The following BRD1 variants were observed in gnomAD, a reference collection of about 807,000 sequenced individuals.
BRD1 encodes bromodomain containing 1.
In BRD1, 24 loss-of-function variants were observed where a neutral mutation model predicts 107.7. That is an observed-to-expected ratio of 0.22 (90% CI 0.16 to 0.31). The LOEUF is 0.31. BRD1 is among the 10% of genes least tolerant of loss of function. The pLI is 1.00. For synonymous variants in BRD1, 744 were observed against 686.1 expected (o/e 1.08, Z -1.32); for missense variants, 1,279 against 1,638.6 (o/e 0.78, Z 3.79).
chr22:49,787,372 G>T lies in BRD1; in HGVS notation c.2857+18C>A. 6.3e-7 allele frequency: 1 copy of T among 1,594,002 alleles called. No individual in the cohort carries two copies. The highest frequency in any genetic ancestry group is 2.3e-5 in the East Asian group (1 of 43,526). ...CTGGTCGGCAAGGGCGCCTCTCAGG[G>T]CCGCCCGCGGCATTTACCTGCGTCC... On this transcript the variant is annotated intron_variant, in intron 8 of 12. Coordinates refer to ENST00000404760, the MANE Select transcript of BRD1 (RefSeq NM_001304808.3).
Position 49,823,521 on chromosome 22 carries a change from G to A in BRD1, c.797C>T (p.Ala266Val). ...GCACAGCACACAGTCGGCGGGCCGGGCCCGCGACTGCAGGCAGTGGCGGCA... is the reference window on the plus strand; with the variant it reads ...GCACAGCACACAGTCGGCGGGCCGGACCCGCGACTGCAGGCAGTGGCGGCA... ...WLCRHCLQSR[A>V]RPADCVLCPN... Residue 266 changes from alanine (A) to valine (V), a missense_variant, in exon 2 of 13, where the codon GCC becomes GTC. Transcript: ENST00000404760. The A allele has an allele frequency of 6.2e-7, 1 of 1,600,954 alleles. No homozygotes were observed.
At chr22:49,777,207 TCAGCCTCACTCGGGCTTCGTC>T in intron 9 of BRD1, 46 bp from the exon 10 acceptor site, 2 of 1,602,522 alleles carry the variant, frequency 1.2e-6, no homozygotes, top group Admixed American at 1.7e-5. Context: ...GCCCCTGCCT[TCAGCCTCACTCGGGCTTCGTC>T]CCGTGAGCTG....
intron 7 of BRD1, among the ~76,000 whole-genome samples, chr22:49,793,596 T>C (rs976131745): frequency 1.3e-5 from 2 of 152,186 alleles, no homozygotes; most frequent in African/African-American, 4.8e-5. Flanking sequence ...AAAACAGCCC[T>C]TTCAAAATGC....
chr22:49,825,053 C>A (rs2060131896), intron 1 of BRD1, among the ~76,000 whole-genome samples: 1 of 152,142 alleles, frequency 6.6e-6, no homozygotes, highest in Admixed American at 6.5e-5. Context: ...TTCTGCAGAG[C>A]CTTGGCAGTG....
rs372664406 is a variant in BRD1, at chr22:49,804,196, C to A, written c.1524+8G>T. 1.0e-5 allele frequency: 16 copies of A among 1,571,496 alleles called. No homozygotes were observed. Among genetic ancestry groups the A allele is most frequent in the Non-Finnish European group, 1.4e-5 (16 of 1,157,678 alleles). On this transcript the variant is annotated splice_region_variant and intron_variant, in intron 3 of 12. Transcript: ENST00000404760. ...GCAGAAAGGCTGTGGGGGCCACGAG[C>A]CACGTACCTGCTGTGAGCTTCGCTG... is the stretch of plus-strand genomic sequence containing the variant.
Position 49,777,076 on chromosome 22 carries a change from T to C in BRD1, c.3079A>G (p.Ile1027Val), listed in dbSNP as rs756562359. ...LEDRSELISC[I>V]ENGNYAKAAR... The stretch of plus-strand genomic sequence containing the variant: ...GCCTTGGCGTAGTTCCCATTCTCGA[T>C]GCAGGAGATCAGCTCACTGCGGTCC... The change falls in exon 10 of 13, where the codon ATC (isoleucine) becomes GTC (valine). Residue 1027 changes from isoleucine (I) to valine (V), a missense_variant. Ile to Val is a conservative substitution (Grantham distance 29, BLOSUM62 3). Around this residue, in one of 7 missense-constraint regions of BRD1, gnomAD observed 263 missense variants for 251.6 expected, o/e 1.05. Coordinates refer to ENST00000404760, the MANE Select transcript of BRD1 (RefSeq NM_001304808.3). 5.0e-6 allele frequency: 8 copies of C among 1,613,214 alleles called. No homozygotes were observed. Among genetic ancestry groups the C allele is most frequent in the Non-Finnish European group, 6.8e-6 (8 of 1,180,012 alleles).
intron 1 of BRD1, among the ~76,000 whole-genome samples, chr22:49,826,892 C>A (rs962523377): frequency 2.0e-5 from 3 of 152,214 alleles, no homozygotes; most frequent in African/African-American, 7.2e-5. Context: ...CCGTGAACTG[C>A]GCCTCAATCG....
intron 9 of BRD1, 88 bp from the exon 10 acceptor site, chr22:49,777,249 A>G (rs954910705): frequency 1.5e-5 from 23 of 1,570,154 alleles, no homozygotes; most frequent in Non-Finnish European, 1.7e-5. Context: ...TCCGCCACCA[A>G]GCTGGCCACG....
rs574018747 is a variant in BRD1, at chr22:49,776,958, C to G, written c.3121+76G>C. ...GCACCATGCTCCCTGAGCCGGAGTC[C>G]AGTCCCCAGCAGTCGAGCCCTAAGA... On this transcript the variant is annotated intron_variant, in intron 10 of 12. Coordinates refer to ENST00000404760, the MANE Select transcript of BRD1 (RefSeq NM_001304808.3). 1.6e-5 allele frequency: 25 copies of G among 1,583,286 alleles called. No individual in the cohort carries two copies. The African/African-American group carries it at 2.4e-4, about 15-fold the overall frequency.
At chr22:49,776,638 C>T (rs901552489) in intron 10 of BRD1, among the ~76,000 whole-genome samples, 5 of 152,168 alleles carry the variant, frequency 3.3e-5, no homozygotes, top group African/African-American at 7.2e-5. Flanking sequence ...GAGGGCTGTG[C>T]GACCCCAAAC....
intron 11 of BRD1, 91 bp from the exon 12 acceptor site, chr22:49,775,836 C>CCCG (rs1555900557): frequency 2.8e-5 from 36 of 1,271,072 alleles, no homozygotes; most frequent in African/African-American, 1.7e-4. Flanking sequence ...CCTCCCCACC[C>CCCG]CAGCTGTGTG....
chr22:49,785,752 TCA>T (rs2059310958), intron 8 of BRD1, among the ~76,000 whole-genome samples: 1 of 152,250 alleles, frequency 6.6e-6, no homozygotes, highest in African/African-American at 2.4e-5. Flanking sequence ...TTCTACACAT[TCA>T]GTTACGTGCA....
At chr22:49,775,836 C>CCCCGCCCCG in intron 11 of BRD1, 91 bp from the exon 12 acceptor site, 1 of 1,270,248 alleles carries the variant, frequency 7.9e-7, no homozygotes, top group East Asian at 2.7e-5. Flanking sequence ...CCTCCCCACC[C>CCCCGCCCCG]CAGCTGTGTG....
chr22:49,797,847 G>C lies in BRD1; in HGVS notation c.2056C>G (p.Arg686Gly). 1 of 1,610,382 alleles carries C rather than the reference G, an allele frequency of 6.2e-7. No homozygotes were observed. The highest frequency in any genetic ancestry group is 1.1e-5 in the South Asian group (1 of 91,018). ...EEASGMHLPE[R>G]PAAAPRRPFS... ...GGCCGCCGCGGTGCCGCAGCAGGCCGCTCAGGCAGGTGCATCCCCGAGGCC... is the reference window on the plus strand; with the variant it reads ...GGCCGCCGCGGTGCCGCAGCAGGCCCCTCAGGCAGGTGCATCCCCGAGGCC... Residue 686 changes from arginine (R) to glycine (G), a missense_variant, in exon 6 of 13, where the codon CGG (arginine) becomes GGG (glycine). Coordinates refer to ENST00000404760, the MANE Select transcript of BRD1 (RefSeq NM_001304808.3).
At chr22:49,774,837 A>G (rs2059049802) in intron 12 of BRD1, among the ~76,000 whole-genome samples, 1 of 152,240 alleles carries the variant, frequency 6.6e-6, no homozygotes, top group South Asian at 2.1e-4. Context: ...CACGTGGCCA[A>G]AGAGGCAGAG....
At chr22:49,786,222 C>A (rs1946591089) in intron 8 of BRD1, among the ~76,000 whole-genome samples, 1 of 152,222 alleles carries the variant, frequency 6.6e-6, no homozygotes, top group Non-Finnish European at 1.5e-5. Flanking sequence ...AAATGACAAA[C>A]ATGCTCCAGA....
chr22:49,788,807 G>C (rs1447442672), intron 7 of BRD1, among the ~76,000 whole-genome samples: 1 of 152,180 alleles, frequency 6.6e-6, no homozygotes, highest in African/African-American at 2.4e-5. Context: ...CAAGGATTTT[G>C]TGATTATTTA....
At chr22:49,789,021 A>C (rs9628134) in intron 7 of BRD1, among the ~76,000 whole-genome samples, 2,475 of 152,334 alleles carry the variant, frequency 0.016, 58 homozygotes, top group African/African-American at 0.057. Flanking sequence ...AAGTTCTCCC[A>C]AGGCTGGGCC....
chr22:49,783,829 T>A lies in BRD1; in HGVS notation c.2857+3561A>T, dbSNP rs1359353024. 6.6e-6 allele frequency among the ~76,000 whole-genome samples: 1 copy of A among 152,148 alleles called. No homozygotes were observed. Among genetic ancestry groups the A allele is most frequent in the Non-Finnish European group, 1.5e-5 (1 of 68,022 alleles). On this transcript the variant is annotated intron_variant, in intron 8 of 12. Coordinates refer to ENST00000404760, the MANE Select transcript of BRD1 (RefSeq NM_001304808.3). The surrounding 1 kb of genome is among the most constrained non-coding windows in gnomAD (Gnocchi z 4.2). Reference sequence around the variant, plus strand: ...GTTTGAGCTGATGATTCCAATGTGATCCGCAAGAATTAAGTGAAAGGCAAG... The same window carrying A: ...GTTTGAGCTGATGATTCCAATGTGAACCGCAAGAATTAAGTGAAAGGCAAG...
Sources: gnomAD v4.1 joint callset for allele counts (sites outside exome capture counted in the v4.1 genomes callset) on GRCh38, gnomAD v4.1.1 for gene constraint, gnomAD v4.1.1 regional missense constraint, Gnocchi (gnomAD v3.1) non-coding constraint, MANE v1.5 for transcripts, NCBI Gene and HGNC (gene_info 2026-07-23, HGNC 2026-07-21) for gene names.